ERC2: variants seen among roughly 807,000 people sequenced by gnomAD.
ERC2 encodes the protein ERC protein 2.
ERC2 carries 42 observed loss-of-function variants against 114.8 expected under a neutral mutation model. The observed-to-expected ratio is 0.37, with a 90% CI of 0.29 to 0.47. The LOEUF is 0.47. Among genes scored for constraint, ERC2 ranks in the 20% least tolerant of loss-of-function variants. The pLI, the probability that ERC2 is intolerant of heterozygous loss-of-function variation, is 0.99. For synonymous variants in ERC2, 454 were observed against 425.5 expected (o/e 1.07, Z -0.82); for missense variants, 939 against 1,150.7 (o/e 0.82, Z 2.66).
chr3:56,007,448 T>G, intron 9 of ERC2, 127 bp from the exon 10 acceptor site: 1 of 870,832 alleles, frequency 1.1e-6, no homozygotes, highest in Non-Finnish European at 1.7e-6. Context: ...AATATAATCT[T>G]ACTAAGGTAA....
chr3:56,092,842 G>C (rs1244509810), intron 6 of ERC2, among the ~76,000 whole-genome samples: 6 of 152,028 alleles, frequency 3.9e-5, no homozygotes, highest in African/African-American at 1.4e-4. Context: ...TTTCCCTTCA[G>C]GTAAGCACAT....
At chr3:56,114,887 C>G (rs73091234) in intron 6 of ERC2, among the ~76,000 whole-genome samples, 2,119 of 152,302 alleles carry the variant, frequency 0.014, 19 homozygotes, top group Non-Finnish European at 0.022. Flanking sequence ...GCCTTCCTTG[C>G]TTGGGGACCA....
In ERC2 at chr3:55,768,392, T is replaced by C. The variant is rs77082905; in HGVS notation, c.2565-33474A>G. Among the ~76,000 whole-genome samples, 298 of 152,342 alleles carry C rather than the reference T, an allele frequency of 2.0e-3. 1 individual carries two copies. Among genetic ancestry groups the C allele is most frequent in the Non-Finnish European group, 3.1e-3 (209 of 68,040 alleles). The stretch of plus-strand genomic sequence containing the variant: ...TACTTAATGATCACCAACTCTGTAA[T>C]AGGCACTGTGCTTTGTGATGGGGAT... On this transcript the variant is annotated intron_variant, in intron 14 of 17. Coordinates refer to ENST00000288221, the MANE Select transcript of ERC2 (RefSeq NM_015576.3).
At chr3:56,203,341 G>A (rs1008546059) in intron 3 of ERC2, among the ~76,000 whole-genome samples, 14 of 151,972 alleles carry the variant, frequency 9.2e-5, no homozygotes, top group African/African-American at 2.2e-4. Flanking sequence ...CGGATTTTTC[G>A]TCCACTTTTG....
In ERC2 at chr3:55,734,813, G is replaced by C. The variant is rs1389301808; in HGVS notation, c.2670C>G (p.Leu890=). Residue 890 remains leucine (L), a synonymous_variant, in exon 15 of 18, where the codon CTC becomes CTG. Coordinates refer to ENST00000288221, the MANE Select transcript of ERC2 (RefSeq NM_015576.3). ...GTACTAGTCGGTCTTTTTCCCGCTT[G>C]AGGGCCATGACTTCTTCCTGCGTCT... The part of the protein sequence containing the change: ...KKKTQEEVMA[L]KREKDRLVHQ... The C allele has an allele frequency of 1.9e-6, 3 of 1,613,112 alleles. No individual in the cohort carries two copies. The highest frequency in any genetic ancestry group is 2.2e-5 in the South Asian group (2 of 90,918).
chr3:56,196,310 A>G (rs1358420852), intron 3 of ERC2, among the ~76,000 whole-genome samples: 7 of 152,152 alleles, frequency 4.6e-5, no homozygotes. Flanking sequence ...TCTTGATTAA[A>G]CATATGAGAT....
intron 3 of ERC2, among the ~76,000 whole-genome samples, chr3:56,236,820 C>A (rs1317467165): frequency 1.3e-5 from 2 of 152,118 alleles, no homozygotes; most frequent in African/African-American, 4.8e-5. Flanking sequence ...CTGAGTATTG[C>A]CCTAAAAAAT....
chr3:56,125,116 A>T (rs893690521), intron 6 of ERC2, among the ~76,000 whole-genome samples: 7 of 152,312 alleles, frequency 4.6e-5, no homozygotes, highest in African/African-American at 1.7e-4. Flanking sequence ...TAACAAGTCC[A>T]TATTGAATCT....
chr3:55,753,787 C>G (rs1275425722), intron 14 of ERC2, among the ~76,000 whole-genome samples: 2 of 152,178 alleles, frequency 1.3e-5, no homozygotes, highest in African/African-American at 4.8e-5. Context: ...ATGGCTGCTT[C>G]TAAATAAACT....
intron 6 of ERC2, among the ~76,000 whole-genome samples, chr3:56,096,373 G>A (rs1043777706): frequency 6.6e-6 from 1 of 152,128 alleles, no homozygotes; most frequent in African/African-American, 2.4e-5. Flanking sequence ...GTGAGTTCTT[G>A]TTCTCCATTT....
chr3:56,232,607 G>C lies in ERC2; in HGVS notation c.1075-59087C>G, dbSNP rs375417100. Among the ~76,000 whole-genome samples the C allele has an allele frequency of 5.9e-5, 9 of 152,328 alleles. No individual in the cohort carries two copies. The East Asian group carries it at 1.7e-3, about 29-fold the overall frequency. ...TCACAATCTCAACAGGACACATACA[G>C]AGATAAAATGCTCAACCAGCAACCC... On this transcript the variant is annotated intron_variant, in intron 3 of 17. Transcript: ENST00000288221.
intron 2 of ERC2, among the ~76,000 whole-genome samples, chr3:56,363,038 A>G (rs1158225592): frequency 6.6e-6 from 1 of 152,238 alleles, no homozygotes; most frequent in Non-Finnish European, 1.5e-5. Context: ...TAGTCAGACT[A>G]TGCAGCAGTA....
At chr3:55,642,983 A>G (rs2060249451) in intron 17 of ERC2, among the ~76,000 whole-genome samples, 2 of 152,090 alleles carry the variant, frequency 1.3e-5, no homozygotes, top group African/African-American at 4.8e-5. Context: ...CTGGTTTTAT[A>G]TTTTCATGGG....
chr3:55,948,695 TACAAAA>T (rs1483903062), intron 13 of ERC2, among the ~76,000 whole-genome samples: 1 of 152,202 alleles, frequency 6.6e-6, no homozygotes, highest in Non-Finnish European at 1.5e-5. Context: ...AATATTGCTA[TACAAAA>T]GTTCATGGGC....
At chr3:56,269,251 G>A (rs2053509605) in intron 3 of ERC2, among the ~76,000 whole-genome samples, 1 of 152,192 alleles carries the variant, frequency 6.6e-6, no homozygotes, top group South Asian at 2.1e-4. Flanking sequence ...TGAGGAATTA[G>A]ATCCTTCCTG....
intron 3 of ERC2, among the ~76,000 whole-genome samples, chr3:56,205,061 C>A (rs916465429): frequency 2.0e-5 from 3 of 152,072 alleles, no homozygotes; most frequent in African/African-American, 7.2e-5. Flanking sequence ...CCATAAAACT[C>A]TGCCTTTTCC....
chr3:56,096,990 T>C (rs1449763629), intron 6 of ERC2, among the ~76,000 whole-genome samples: 2 of 152,216 alleles, frequency 1.3e-5, no homozygotes, highest in Non-Finnish European at 2.9e-5. Flanking sequence ...CTACTGAGGT[T>C]CCATTGTAAC....
intron 3 of ERC2, among the ~76,000 whole-genome samples, chr3:56,289,912 C>T (rs2054971890): frequency 6.6e-6 from 1 of 152,210 alleles, no homozygotes; most frequent in Non-Finnish European, 1.5e-5. Context: ...GAGGCAATTA[C>T]TTACCTCACT....
At chr3:56,217,802 T>G (rs189453589) in intron 3 of ERC2, among the ~76,000 whole-genome samples, 149 of 152,230 alleles carry the variant, frequency 9.8e-4, no homozygotes, top group African/African-American at 3.4e-3. Context: ...TATAGACCAA[T>G]GGAACAGAAC....
Sources: gnomAD v4.1 joint callset for allele counts (sites outside exome capture counted in the v4.1 genomes callset) on GRCh38, gnomAD v4.1.1 for gene constraint, MANE v1.5 for transcripts, NCBI Gene and HGNC (gene_info 2026-07-23, HGNC 2026-07-21) for gene names.